Variants in BBS12 observed in about 807,000 individuals in gnomAD.
BBS12 encodes chaperonin-containing T-complex member BBS12.
In BBS12, 5 loss-of-function variants were observed where a neutral mutation model predicts 5.6. The ratio of observed to expected loss-of-function variants is 0.89; its 90% CI spans 0.46 to 1.86. The LOEUF is 1.86. Ranked by LOEUF, BBS12 falls within the 40% of genes most tolerant of loss-of-function variation. BBS12 has a pLI of 0.01. For synonymous variants in BBS12, 308 were observed against 306.8 expected, an observed-to-expected ratio of 1.00 and a Z score of -0.04; for missense variants, 748 against 830.4, an observed-to-expected ratio of 0.90 and a Z score of 1.22.
At chr4:122,719,389 T>C in the BBS12 span, among the ~76,000 whole-genome samples, 1 of 152,048 alleles carries the variant, frequency 6.6e-6, no homozygotes, top group Non-Finnish European at 1.5e-5. Context: ...AGCAACCCAC[T>C]CGGGTCGGCT....
At position 122,742,869 on chromosome 4, in the gene BBS12, C is replaced by T. The variant is rs772171337; in HGVS notation, c.977C>T (p.Thr326Ile). Residue 326 changes from threonine (T) to isoleucine (I), a missense_variant, in exon 2 of 2, where the codon ACT becomes ATT. Coordinates refer to ENST00000314218, the MANE Select transcript of BBS12 (RefSeq NM_152618.3). The stretch of plus-strand genomic sequence containing the variant: ...TGCTGTCTACCAGGCTTACCTGAAA[C>T]TTCTTCTTGTGTTTGTCCAGGATAT... The part of the protein sequence containing the change: ...FTCCLPGLPE[T>I]SSCVCPGYIT... 6.2e-7 allele frequency: 1 copy of T among 1,613,844 alleles called. No individual in the cohort carries two copies. The highest frequency in any genetic ancestry group is 1.1e-5 in the South Asian group (1 of 91,046).
the BBS12 span, among the ~76,000 whole-genome samples, chr4:122,713,025 A>G: frequency 6.6e-6 from 1 of 152,304 alleles, no homozygotes; most frequent in East Asian, 1.9e-4. Flanking sequence ...GTTGTCCATC[A>G]TAGTATTTCA....
At chr4:122,718,149 T>A in the BBS12 span, among the ~76,000 whole-genome samples, 1 of 152,190 alleles carries the variant, frequency 6.6e-6, no homozygotes, top group African/African-American at 2.4e-5. Flanking sequence ...AAGCACTCAA[T>A]AACTGTTACT....
chr4:122,728,419 C>G (rs1242598446), upstream of BBS12: 2 of 152,220 alleles, frequency 1.3e-5, no homozygotes, highest in East Asian at 3.9e-4. Context: ...AATATGCTAT[C>G]ATTTGTGAAA....
rs778063257 is a variant in BBS12 at position 122,741,938 on chromosome 4, C to G, written c.46C>G (p.Leu16Val). The G allele has an allele frequency of 1.5e-5, 24 of 1,613,820 alleles. No homozygotes were observed. The highest frequency in any genetic ancestry group is 9.3e-6 in the Non-Finnish European group (11 of 1,179,930). ...CGTAAACAAAAGAAGACACATGGGA[C>G]TTCAACAACTTTCATCATTCGCGGA... ...RVVNKRRHMG[L>V]QQLSSFAETG... The change falls in exon 2 of 2, where the codon CTT becomes GTT. Residue 16 changes from leucine (L) to valine (V), a missense_variant. Physicochemically the swap from Leu to Val is conservative, Grantham distance 32 (BLOSUM62 1). Transcript: ENST00000314218.
Position 122,742,723 on chromosome 4 carries a change from T to C in BBS12, c.831T>C (p.His277=). Residue 277 remains histidine, a synonymous_variant, in exon 2 of 2, where the codon CAT becomes CAC. Transcript: ENST00000314218. ...DLVELAVGLS[H]GDHSSMKLVE... ...TAGAGTTGGCAGTAGGCTTGAGTCA[T>C]GGAGATCACAGCAGCATGAAGTTAG... 6.2e-7 allele frequency: 1 copy of C among 1,614,236 alleles called. No individual in the cohort carries two copies. Among genetic ancestry groups the C allele is most frequent in the Non-Finnish European group, 8.5e-7 (1 of 1,180,046 alleles).
At chr4:122,733,379 A>ACC (rs1800732983) in intron 1 of BBS12, among the ~76,000 whole-genome samples, 1 of 36,134 alleles carries the variant, frequency 2.8e-5, no homozygotes, top group South Asian at 1.1e-3. Flanking sequence ...CAACCCCAAC[A>ACC]CACACACACA....
the BBS12 span, among the ~76,000 whole-genome samples, chr4:122,703,433 T>C: frequency 6.6e-6 from 1 of 152,220 alleles, no homozygotes; most frequent in Non-Finnish European, 1.5e-5. Flanking sequence ...TCCCAGCTTC[T>C]CAGGAGGCTG....
the BBS12 span, among the ~76,000 whole-genome samples, chr4:122,726,373 A>T: frequency 6.6e-6 from 1 of 152,232 alleles, no homozygotes; most frequent in Non-Finnish European, 1.5e-5. Flanking sequence ...CCACAATGCG[A>T]TACCACTTTA....
At position 122,742,483 on chromosome 4, in the gene BBS12, T is replaced by A; in HGVS notation, c.591T>A (p.Tyr197Ter). The A allele has an allele frequency of 6.2e-7, 1 of 1,614,016 alleles. No homozygotes were observed. The highest frequency in any genetic ancestry group is 2.2e-5 in the East Asian group (1 of 44,884). The change falls in exon 2 of 2, where the codon TAT (tyrosine) becomes TAA (stop). Residue 197 changes from tyrosine to a stop codon, truncating the protein, a stop_gained. Transcript: ENST00000314218. LOFTEE classifies it low-confidence loss of function (END_TRUNC). ...TTTCTGGGAGACCTCTTAAATCATA[T>A]GAATTATTTAAACCTCAGACAAAGG... ...SNLSGRPLKS[Y>*]ELFKPQTKVE...
the BBS12 span, among the ~76,000 whole-genome samples, chr4:122,710,179 G>A: frequency 6.6e-6 from 1 of 152,174 alleles, no homozygotes; most frequent in Non-Finnish European, 1.5e-5. Context: ...TCTGCCCTCA[G>A]AGTGGGGGAC....
the BBS12 span, among the ~76,000 whole-genome samples, chr4:122,709,691 G>A: frequency 6.6e-6 from 1 of 151,748 alleles, no homozygotes; most frequent in African/African-American, 2.4e-5. Context: ...GTCTTGCTCT[G>A]TTGCCTAGGC....
chr4:122,722,937 T>TA, the BBS12 span, among the ~76,000 whole-genome samples: 12 of 152,192 alleles, frequency 7.9e-5, no homozygotes, highest in Admixed American at 7.9e-4. Context: ...TTTCCATGTT[T>TA]TACAGTTTAA....
rs1173504533 is a variant in BBS12 at position 122,742,159 on chromosome 4, GT to G, written c.270del (p.Val92LeufsTer20). The G allele has an allele frequency of 3.1e-6, 5 of 1,613,944 alleles. No individual in the cohort carries two copies. The highest frequency in any genetic ancestry group is 4.2e-6 in the Non-Finnish European group (5 of 1,180,018). ...TYRTGISTLL[F>X]LVGAWSSAVE... ...ATAGAACTGGAATCAGTACTCTTTT[GT>G]TTCTTGTTGGTGCTTGGAGCAGTGC... is the stretch of plus-strand genomic sequence containing the variant. On this transcript the variant is annotated frameshift_variant, in exon 2 of 2. Transcript: ENST00000314218. LOFTEE classifies it low-confidence loss of function (END_TRUNC).
chr4:122,736,142 A>G (rs2150732924), intron 1 of BBS12, among the ~76,000 whole-genome samples: 1 of 152,300 alleles, frequency 6.6e-6, no homozygotes, highest in South Asian at 2.1e-4. Context: ...AGAAGGGTAA[A>G]GAAAGGACTG....
the BBS12 span, among the ~76,000 whole-genome samples, chr4:122,701,958 G>A: frequency 8.3e-4 from 126 of 152,124 alleles, no homozygotes; most frequent in African/African-American, 2.8e-3. Context: ...TCTGCTTCCT[G>A]TCCGCTGAAA....
intron 1 of BBS12, among the ~76,000 whole-genome samples, chr4:122,736,121 G>C (rs1397251130): frequency 6.6e-6 from 1 of 152,188 alleles, no homozygotes; most frequent in Non-Finnish European, 1.5e-5. Context: ...AAAATAGTAA[G>C]TGATAAAGTC....
intron 1 of BBS12, among the ~76,000 whole-genome samples, chr4:122,733,739 AATTGCTCAC>A (rs1198443979): frequency 6.6e-6 from 1 of 151,972 alleles, no homozygotes; most frequent in Non-Finnish European, 1.5e-5. Context: ...TCTAACCTTT[AATTGCTCAC>A]ACATGCGGAC....
chr4:122,726,151 G>A, the BBS12 span, among the ~76,000 whole-genome samples: 1 of 152,008 alleles, frequency 6.6e-6, no homozygotes, highest in Non-Finnish European at 1.5e-5. Flanking sequence ...GACAGAGTGG[G>A]AGAAAATCTT....
Sources: allele counts gnomAD v4.1 joint callset (sites outside exome capture counted in the v4.1 genomes callset), GRCh38; gene constraint gnomAD v4.1.1; transcripts MANE v1.5; gene names NCBI Gene and HGNC (gene_info 2026-07-23, HGNC 2026-07-21).